Variants in GNA12 observed in about 807,000 individuals in gnomAD.
The protein encoded by GNA12 is guanine nucleotide-binding protein subunit alpha-12.
A neutral mutation model predicts 26.0 loss-of-function variants in GNA12; 9 were observed. The observed-to-expected ratio is 0.35, with a 90% CI of 0.21 to 0.60. The LOEUF is 0.60. Among genes scored for constraint, GNA12 ranks in the 20% least tolerant of loss-of-function variants. GNA12 has a pLI of 0.78. For missense variants in GNA12, 405 were observed against 525.8 expected (o/e 0.77, Z 2.25); for synonymous variants, 264 against 219.6 (o/e 1.20, Z -1.79).
At chr7:2,811,335 G>A (rs1793076539) in intron 1 of GNA12, among the ~76,000 whole-genome samples, 2 of 152,172 alleles carry the variant, frequency 1.3e-5, no homozygotes, top group African/African-American at 4.8e-5. Flanking sequence ...GGGGTGACCT[G>A]GCTGATGACA....
At chr7:2,783,478 A>G (rs1792279831) in intron 2 of GNA12, among the ~76,000 whole-genome samples, 1 of 151,508 alleles carries the variant, frequency 6.6e-6, no homozygotes, top group South Asian at 2.1e-4. Flanking sequence ...GTCCCCATTC[A>G]TTACACGGCA....
At position 2,782,657 on chromosome 7, in the gene GNA12, G is replaced by T. The variant is rs567564280; in HGVS notation, c.525+12271C>A. Among the ~76,000 whole-genome samples the T allele has an allele frequency of 9.0e-5, 13 of 145,208 alleles. No individual in the cohort carries two copies. In the East Asian group the frequency reaches 1.2e-3, roughly 13 times the overall value. The stretch of plus-strand genomic sequence containing the variant: ...GTTTTATTATGTCTATAGTGTTTTG[G>T]TTTTTTTTTTTTAATCTTGCTTGGG... On this transcript the variant is annotated intron_variant, in intron 2 of 3. Transcript: ENST00000275364.
At chr7:2,749,713 T>C (rs1300454673) in intron 2 of GNA12, among the ~76,000 whole-genome samples, 1 of 149,730 alleles carries the variant, frequency 6.7e-6, no homozygotes, top group African/African-American at 2.5e-5. Flanking sequence ...AAAAACATAG[T>C]GGAAAACAAA....
intron 2 of GNA12, among the ~76,000 whole-genome samples, chr7:2,765,979 A>T (rs1406062729): frequency 1.3e-5 from 2 of 152,008 alleles, no homozygotes; most frequent in Non-Finnish European, 2.9e-5. Flanking sequence ...TAAAAAACAT[A>T]TTGACATAAA....
chr7:2,814,372 T>C (rs1016430329), intron 1 of GNA12: 2 of 1,598,008 alleles, frequency 1.3e-6, no homozygotes, highest in Non-Finnish European at 1.7e-6. Context: ...GGTTTCCATC[T>C]GGTGTGCTTC....
At chr7:2,803,091 G>A (rs1275792178) in intron 1 of GNA12, among the ~76,000 whole-genome samples, 1 of 100,388 alleles carries the variant, frequency 1.0e-5, no homozygotes, top group African/African-American at 3.4e-5. Context: ...GGTGGGTAAC[G>A]AATGGGGAAA....
chr7:2,831,465 G>A (rs1011508017), intron 1 of GNA12, among the ~76,000 whole-genome samples: 12 of 143,888 alleles, frequency 8.3e-5, no homozygotes, highest in Non-Finnish European at 1.0e-4. Flanking sequence ...GTGCAGTGGC[G>A]CGATCTCTGC....
intron 1 of GNA12, among the ~76,000 whole-genome samples, chr7:2,798,970 G>A (rs1380572956): frequency 1.3e-5 from 2 of 151,948 alleles, no homozygotes; most frequent in Non-Finnish European, 2.9e-5. Flanking sequence ...GAGCGGGGGA[G>A]GGGGTGGGGA....
rs1018700349 is a variant in GNA12 at position 2,799,900 on chromosome 7, G to A, written c.310-4757C>T. On this transcript the variant is annotated intron_variant, in intron 1 of 3. Coordinates refer to ENST00000275364, the MANE Select transcript of GNA12 (RefSeq NM_007353.3). ...CAACACCAAGCGGAGGTGAGGAGGC[G>A]GAGACCCCGGACCTCTCATACACTG... 2.0e-5 allele frequency among the ~76,000 whole-genome samples: 3 copies of A among 152,092 alleles called. No homozygotes were observed. In the South Asian group the frequency reaches 6.2e-4, roughly 32 times the overall value.
rs147946570 is a variant in GNA12, at chr7:2,838,845, T to C, written c.309+5008A>G. On this transcript the variant is annotated intron_variant, in intron 1 of 3. Transcript: ENST00000275364. ...AAAAGGTTAATCTATCAAGATATAA[T>C]AATCCTAAACATTTATGCACCACAC... Among the ~76,000 whole-genome samples, 23 of 152,296 alleles carry C rather than the reference T, an allele frequency of 1.5e-4. No individual in the cohort carries two copies. In the East Asian group the frequency reaches 1.9e-3, roughly 13 times the overall value.
chr7:2,830,051 G>A (rs542950155), intron 1 of GNA12, among the ~76,000 whole-genome samples: 1 of 152,216 alleles, frequency 6.6e-6, no homozygotes, highest in South Asian at 2.1e-4. Flanking sequence ...ACACTTCCTG[G>A]CTCCACCAAG....
At chr7:2,738,034 C>T (rs2115314217) in intron 2 of GNA12, among the ~76,000 whole-genome samples, 1 of 152,278 alleles carries the variant, frequency 6.6e-6, no homozygotes, top group South Asian at 2.1e-4. Context: ...AAAAGAGATA[C>T]AACACCACAT....
intron 2 of GNA12, among the ~76,000 whole-genome samples, chr7:2,734,000 G>C (rs1026265831): frequency 3.4e-4 from 51 of 152,236 alleles, no homozygotes; most frequent in African/African-American, 1.2e-3. Flanking sequence ...TCTAGAAAGA[G>C]TCCATTATTC....
rs957889851 is a variant in GNA12 at position 2,754,375 on chromosome 7, A to T, written c.526-20874T>A. On this transcript the variant is annotated intron_variant, in intron 2 of 3. Coordinates refer to ENST00000275364, the MANE Select transcript of GNA12 (RefSeq NM_007353.3). Reference sequence around the variant, plus strand: ...TTTTGAGAGTTCTGTTTTCTAGATAATGAGTCCTTTGTCGGATATGTAGTC... The same window carrying T: ...TTTTGAGAGTTCTGTTTTCTAGATATTGAGTCCTTTGTCGGATATGTAGTC... Among the ~76,000 whole-genome samples, 4 of 152,066 alleles carry T rather than the reference A, an allele frequency of 2.6e-5. No individual in the cohort carries two copies. In the South Asian group the frequency reaches 8.3e-4, roughly 32 times the overall value.
At chr7:2,788,715 T>C (rs1176487828) in intron 2 of GNA12, among the ~76,000 whole-genome samples, 1 of 152,174 alleles carries the variant, frequency 6.6e-6, no homozygotes, top group Non-Finnish European at 1.5e-5. Flanking sequence ...TGATGAACAG[T>C]AGGACATGAG....
At chr7:2,737,289 G>GTTTTTTTTTTT (rs11389467) in intron 2 of GNA12, among the ~76,000 whole-genome samples, 6 of 62,314 alleles carry the variant, frequency 9.6e-5, no homozygotes, top group Admixed American at 2.2e-4. Flanking sequence ...TTTTTTTTTT[G>GTTTTTTTTTTT]TTTTTTTTTT....
chr7:2,815,447 C>T (rs1238616540), intron 1 of GNA12, among the ~76,000 whole-genome samples: 1 of 152,182 alleles, frequency 6.6e-6, no homozygotes, highest in Non-Finnish European at 1.5e-5. Flanking sequence ...AGAGATGACT[C>T]AGCGCAGGTT....
chr7:2,744,669 C>A (rs750496876), intron 2 of GNA12, among the ~76,000 whole-genome samples: 1 of 152,138 alleles, frequency 6.6e-6, no homozygotes, highest in African/African-American at 2.4e-5. Flanking sequence ...GCTGGATGGA[C>A]AATGACTTTG....
chr7:2,756,561 G>C (rs1791306646), intron 2 of GNA12, among the ~76,000 whole-genome samples: 1 of 151,220 alleles, frequency 6.6e-6, no homozygotes, highest in African/African-American at 2.4e-5. Context: ...GCTGCAGTGA[G>C]CCACAATCGT....
Sources: allele counts gnomAD v4.1 joint callset (sites outside exome capture counted in the v4.1 genomes callset), GRCh38; gene constraint gnomAD v4.1.1; transcripts MANE v1.5; gene names NCBI Gene and HGNC (gene_info 2026-07-23, HGNC 2026-07-21).